Variants in AQR observed in about 807,000 individuals in gnomAD.
AQR encodes RNA helicase aquarius.
In AQR, 61 loss-of-function variants were observed where a neutral mutation model predicts 180.5. The ratio of observed to expected loss-of-function variants is 0.34; its 90% CI spans 0.28 to 0.42. The LOEUF (loss-of-function observed/expected upper bound fraction) is 0.42. Among genes scored for constraint, AQR ranks in the 10% least tolerant of loss-of-function variants. AQR has a pLI of 1.00. For missense variants in AQR, 1,281 were observed against 1,798.3 expected (o/e 0.71, Z 5.20); for synonymous variants, 551 against 588.8 (o/e 0.94, Z 0.93).
chr15:34,916,406 G>A (rs1893587346), intron 15 of AQR, among the ~76,000 whole-genome samples: 1 of 151,210 alleles, frequency 6.6e-6, no homozygotes, highest in Non-Finnish European at 1.5e-5. Context: ...ACATTTTACT[G>A]ATAAGTCATA....
At chr15:34,876,721 A>C (rs933163044) in intron 27 of AQR, among the ~76,000 whole-genome samples, 2 of 152,194 alleles carry the variant, frequency 1.3e-5, no homozygotes, top group African/African-American at 4.8e-5. Flanking sequence ...GGATGTATTT[A>C]CCAAGAACCT....
rs2140468313 is a variant in AQR at position 34,884,528 on chromosome 15, A to C, written c.3024T>G (p.Leu1008=). 1 of 1,584,190 alleles carries C rather than the reference A, an allele frequency of 6.3e-7. No individual in the cohort carries two copies. Among genetic ancestry groups the C allele is most frequent in the East Asian group, 2.3e-5 (1 of 43,382 alleles). The part of the protein sequence containing the change: ...FRHIKKIFTQ[L]EEFRASELLR... Reference sequence around the variant, plus strand: ...CAAAGAACTTGAGAATCCTTACCTCAAGCTGCGTAAAGATTTTCTTAATAT... The same window carrying C: ...CAAAGAACTTGAGAATCCTTACCTCCAGCTGCGTAAAGATTTTCTTAATAT... The change falls in exon 26 of 35, where the codon CTT becomes CTG. Residue 1008 remains leucine (L), a synonymous_variant. Coordinates refer to ENST00000156471, the MANE Select transcript of AQR (RefSeq NM_014691.3).
intron 8 of AQR, 117 bp downstream of exon 8, chr15:34,940,782 A>G (rs996636973): frequency 3.9e-6 from 3 of 759,718 alleles, no homozygotes; most frequent in Admixed American, 2.6e-5. Flanking sequence ...AGCACTTATT[A>G]TAATAATTTA....
At position 34,856,670 on chromosome 15, in the gene AQR, A is replaced by G; in HGVS notation, c.*122T>C. 1 of 794,012 alleles carries G rather than the reference A, an allele frequency of 1.3e-6. No homozygotes were observed. Among genetic ancestry groups the G allele is most frequent in the Non-Finnish European group, 1.8e-6 (1 of 543,016 alleles). 49.2% of individuals were successfully genotyped at this position (794,012 alleles called of 1,614,324 possible). ...TTCAAGACACCGAAATCAGTTAACA[A>G]ATATAAGAACTAAACATTAATTAGT... On this transcript the variant is annotated 3_prime_UTR_variant, in exon 35 of 35. Transcript: ENST00000156471.
At chr15:34,941,941 G>T in intron 7 of AQR, 71 bp downstream of exon 7, 1 of 1,200,016 alleles carries the variant, frequency 8.3e-7, no homozygotes, top group Non-Finnish European at 1.2e-6. Flanking sequence ...TCCAGATTAA[G>T]GCTATAGACT....
In AQR at chr15:34,927,151, G is replaced by T; in HGVS notation, c.1015-13C>A. ...CAAAAGCAGCTCTCTAGAAAATAAT[G>T]GCAAAAAATATTAATAATTAATGTC... On this transcript the variant is annotated splice_polypyrimidine_tract_variant and intron_variant, in intron 12 of 34. Coordinates refer to ENST00000156471, the MANE Select transcript of AQR (RefSeq NM_014691.3). The T allele has an allele frequency of 1.4e-6, 2 of 1,461,954 alleles. No individual in the cohort carries two copies. Among genetic ancestry groups the T allele is most frequent in the Non-Finnish European group, 1.9e-6 (2 of 1,078,228 alleles). The allele number at this position is 1,461,954 out of a possible 1,614,324, so 90.6% of individuals were successfully genotyped here.
chr15:34,920,740 C>T (rs1003976838), intron 13 of AQR, among the ~76,000 whole-genome samples: 2 of 152,056 alleles, frequency 1.3e-5, no homozygotes, highest in Non-Finnish European at 2.9e-5. Context: ...AGGCAGATCC[C>T]GGGGTCAGGA....
rs150072636 is a variant in AQR at position 34,867,773 on chromosome 15, A to G, written c.3769-164T>C. ...AGAACAAGTTAATGAACATTATTAA[A>G]GAAACCATACTAATCAGATCAAACT... On this transcript the variant is annotated intron_variant, in intron 31 of 34. Transcript: ENST00000156471. 2.6e-3 allele frequency: 1,496 copies of G among 579,494 alleles called. 9 individuals are homozygous for G. Among genetic ancestry groups the G allele is most frequent in the East Asian group, 4.2e-3 (135 of 32,078 alleles). 35.9% of individuals were successfully genotyped at this position (579,494 alleles called of 1,614,324 possible).
intron 31 of AQR, 105 bp downstream of exon 31, chr15:34,870,647 C>A: frequency 1.0e-6 from 1 of 982,754 alleles, no homozygotes; most frequent in Non-Finnish European, 1.4e-6. Flanking sequence ...TTCATTTTCT[C>A]AAATATCTTA....
At chr15:34,916,836 G>C (rs1193870099) in intron 15 of AQR, among the ~76,000 whole-genome samples, 2 of 129,770 alleles carry the variant, frequency 1.5e-5, no homozygotes, top group African/African-American at 5.9e-5. Context: ...AAAATCTATA[G>C]ACTACGGGAA....
intron 5 of AQR, among the ~76,000 whole-genome samples, chr15:34,945,642 A>G (rs757921469): frequency 2.6e-5 from 4 of 152,158 alleles, no homozygotes; most frequent in Admixed American, 2.0e-4. Context: ...GTGACATAAA[A>G]CCCATAGTTT....
intron 8 of AQR, 98 bp downstream of exon 8, chr15:34,940,801 C>G (rs1485484766): frequency 2.3e-6 from 2 of 856,768 alleles, no homozygotes; most frequent in Admixed American, 2.4e-5. Context: ...TATTTGCACT[C>G]AGCACTATAT....
Position 34,894,996 on chromosome 15 carries a change from T to C in AQR, c.2461-1223A>G, listed in dbSNP as rs572322167. ...CCTGGCCAACACAGTGAAACCCAAT[T>C]CTCTACTAAAAATACAAAAATATCA... On this transcript the variant is annotated intron_variant, in intron 22 of 34. Coordinates refer to ENST00000156471, the MANE Select transcript of AQR (RefSeq NM_014691.3). 6.6e-4 allele frequency among the ~76,000 whole-genome samples: 98 copies of C among 149,370 alleles called. 2 individuals are homozygous for C. The highest frequency in any genetic ancestry group is 2.3e-3 in the African/African-American group (95 of 40,696).
In AQR at chr15:34,900,720, A is replaced by G. The variant is rs920856458; in HGVS notation, c.2145T>C (p.Asn715=). The G allele has an allele frequency of 6.2e-6, 10 of 1,614,218 alleles. No homozygotes were observed. The highest frequency in any genetic ancestry group is 8.5e-6 in the Non-Finnish European group (10 of 1,180,028). The change falls in exon 20 of 35, where the codon AAT becomes AAC. Residue 715 remains asparagine (N), a synonymous_variant. Transcript: ENST00000156471. ...AATGCTCAATGGAGAGAAATGTATC[A>G]TTGAAATCAAGGGTGGCAATCTGAT... ...MPNQIATLDF[N]DTFLSIEHLK... is the part of the protein sequence containing the mutation.
intron 2 of AQR, among the ~76,000 whole-genome samples, chr15:34,962,360 T>C (rs1172567027): frequency 1.3e-5 from 2 of 152,104 alleles, no homozygotes; most frequent in Non-Finnish European, 2.9e-5. Flanking sequence ...ATTTGTGAAA[T>C]AAGTATTTGT....
At chr15:34,897,374 T>C (rs1018351334) in intron 21 of AQR, among the ~76,000 whole-genome samples, 185 bp downstream of exon 21, 3 of 152,162 alleles carry the variant, frequency 2.0e-5, no homozygotes, top group Non-Finnish European at 4.4e-5. Context: ...TTTTGAAATA[T>C]TATGACTACA....
At chr15:34,878,982 T>C (rs1399143794) in intron 27 of AQR, among the ~76,000 whole-genome samples, 1 of 151,280 alleles carries the variant, frequency 6.6e-6, no homozygotes, top group Non-Finnish European at 1.5e-5. Context: ...GAGCTGAGAT[T>C]GCGCCACTGC....
At chr15:34,906,279 G>C (rs1221596163) in intron 18 of AQR, among the ~76,000 whole-genome samples, 3 of 151,624 alleles carry the variant, frequency 2.0e-5, no homozygotes, top group Non-Finnish European at 4.4e-5. Context: ...GCTGAGGCTG[G>C]AGAATCGCAT....
At chr15:34,861,435 G>A (rs2140457376) in intron 33 of AQR, among the ~76,000 whole-genome samples, 1 of 152,290 alleles carries the variant, frequency 6.6e-6, no homozygotes, top group Middle Eastern at 3.4e-3. Flanking sequence ...GAGAAGATGG[G>A]GAGATGTTCT....
Sources: gnomAD v4.1 joint callset for allele counts (sites outside exome capture counted in the v4.1 genomes callset) on GRCh38, gnomAD v4.1.1 for gene constraint, MANE v1.5 for transcripts, NCBI Gene and HGNC (gene_info 2026-07-23, HGNC 2026-07-21) for gene names.